DACH1: variants seen among roughly 807,000 people sequenced by gnomAD.
The protein encoded by DACH1 is dachshund homolog 1.
Under a neutral mutation model 54.2 loss-of-function variants are expected in DACH1, and 12 were observed. That is an observed-to-expected ratio of 0.22 (90% CI 0.14 to 0.36). The LOEUF (loss-of-function observed/expected upper bound fraction) is 0.36, where lower values mean the gene tolerates loss of function less well. Ranked by LOEUF, DACH1 falls within the 10% of genes least tolerant of loss-of-function variation. DACH1 has a pLI of 1.00. For synonymous variants in DACH1, 386 were observed against 366.2 expected, an observed-to-expected ratio of 1.05 and a Z score of -0.62; for missense variants, 805 against 929.8, an observed-to-expected ratio of 0.87 and a Z score of 1.75.
At chr13:71,737,114 T>G (rs1257813668) in intron 1 of DACH1, among the ~76,000 whole-genome samples, 1 of 151,844 alleles carries the variant, frequency 6.6e-6, no homozygotes, top group Non-Finnish European at 1.5e-5. Flanking sequence ...AGCCAGCTAC[T>G]TGGGAGGCTG....
intron 6 of DACH1, among the ~76,000 whole-genome samples, chr13:71,509,884 A>G (rs1880633958): frequency 6.6e-6 from 1 of 152,098 alleles, no homozygotes; most frequent in Non-Finnish European, 1.5e-5. Flanking sequence ...AGAGTTAACT[A>G]TACTCTGTTA....
intron 2 of DACH1, among the ~76,000 whole-genome samples, chr13:71,633,093 G>A (rs1040550412): frequency 1.3e-5 from 2 of 151,968 alleles, no homozygotes; most frequent in African/African-American, 4.8e-5. Flanking sequence ...TGTGCTGCAG[G>A]GAAAACTTGT....
At chr13:71,637,652 A>G (rs1594026132) in intron 2 of DACH1, among the ~76,000 whole-genome samples, 1 of 152,186 alleles carries the variant, frequency 6.6e-6, no homozygotes, top group South Asian at 2.1e-4. Flanking sequence ...CATTTTTACT[A>G]GTTAGAATAT....
chr13:71,841,380 G>A (rs905993207), intron 1 of DACH1, among the ~76,000 whole-genome samples: 6 of 151,882 alleles, frequency 4.0e-5, no homozygotes, highest in Non-Finnish European at 8.8e-5. Flanking sequence ...GGAGGAGGTG[G>A]CAAGAGGTTG....
chr13:71,774,313 T>A (rs549077224), intron 1 of DACH1, among the ~76,000 whole-genome samples: 3 of 152,262 alleles, frequency 2.0e-5, no homozygotes, highest in African/African-American at 7.2e-5. Flanking sequence ...CATCACACAA[T>A]AATCTGGTCA....
chr13:71,597,608 T>A (rs1874188268), intron 3 of DACH1, among the ~76,000 whole-genome samples: 1 of 152,122 alleles, frequency 6.6e-6, no homozygotes, highest in South Asian at 2.1e-4. Flanking sequence ...GTCTCCAGAC[T>A]CTGGCATCCA....
At chr13:71,652,800 TAA>T (rs1198797703) in intron 2 of DACH1, among the ~76,000 whole-genome samples, 1 of 152,186 alleles carries the variant, frequency 6.6e-6, no homozygotes, top group Non-Finnish European at 1.5e-5. Context: ...CATAACTCAT[TAA>T]GTTTTCTTTT....
In DACH1 at chr13:71,685,632, A is replaced by C. The variant is rs192030648; in HGVS notation, c.849-3722T>G. Among the ~76,000 whole-genome samples, 43 of 152,296 alleles carry C rather than the reference A, an allele frequency of 2.8e-4. 1 individual carries two copies. The highest frequency in any genetic ancestry group is 4.4e-5 in the Non-Finnish European group (3 of 68,020). The stretch of plus-strand genomic sequence containing the variant: ...TTGACAGGCTTGATATTTTATCCTT[A>C]TGCAATCCTGGTCATTAACTCCTAG... On this transcript the variant is annotated intron_variant, in intron 1 of 10. Transcript: ENST00000613252.
At chr13:71,789,378 A>T (rs1886742133) in intron 1 of DACH1, among the ~76,000 whole-genome samples, 1 of 152,138 alleles carries the variant, frequency 6.6e-6, no homozygotes, top group African/African-American at 2.4e-5. Context: ...TAAAATAAGA[A>T]ATAAATTTAA....
intron 1 of DACH1, among the ~76,000 whole-genome samples, chr13:71,863,674 G>C (rs374495628): frequency 4.6e-5 from 7 of 152,006 alleles, no homozygotes; most frequent in African/African-American, 1.7e-4. Context: ...ACCACATGGT[G>C]AGGACTTCAA....
chr13:71,599,397 A>C (rs1468920761), intron 3 of DACH1, among the ~76,000 whole-genome samples: 1 of 152,162 alleles, frequency 6.6e-6, no homozygotes, highest in African/African-American at 2.4e-5. Context: ...AATGCTGTTA[A>C]ACAATTCCTG....
At chr13:71,591,416 AC>A (rs769957031) in intron 3 of DACH1, among the ~76,000 whole-genome samples, 6 of 152,174 alleles carry the variant, frequency 3.9e-5, no homozygotes, top group Non-Finnish European at 8.8e-5. Flanking sequence ...AATAGTTACC[AC>A]ATTAGAAAGG....
chr13:71,464,624 T>C (rs115019834), intron 10 of DACH1: 1 of 447,682 alleles, frequency 2.2e-6, no homozygotes, highest in African/African-American at 2.0e-5. Flanking sequence ...CATGCAAATA[T>C]TTTATGAAGA....
intron 3 of DACH1, among the ~76,000 whole-genome samples, chr13:71,575,828 T>C (rs995454356): frequency 2.0e-5 from 3 of 152,106 alleles, no homozygotes; most frequent in South Asian, 2.1e-4. Flanking sequence ...ATTTGGGTAA[T>C]AAATAGAGCA....
intron 1 of DACH1, among the ~76,000 whole-genome samples, chr13:71,797,522 A>T (rs1419253846): frequency 6.6e-6 from 1 of 152,156 alleles, no homozygotes; most frequent in Non-Finnish European, 1.5e-5. Context: ...TTTGCCGAAC[A>T]AAACCAATTC....
chr13:71,849,226 A>G (rs1873497667), intron 1 of DACH1, among the ~76,000 whole-genome samples: 1 of 152,226 alleles, frequency 6.6e-6, no homozygotes, highest in South Asian at 2.1e-4. Flanking sequence ...ACCTTAAGTA[A>G]CAAGTGTGAA....
intron 1 of DACH1, among the ~76,000 whole-genome samples, chr13:71,728,135 AC>A (rs768788120): frequency 1.1e-4 from 17 of 152,062 alleles, no homozygotes; most frequent in Non-Finnish European, 1.9e-4. Context: ...AAATAGAAAA[AC>A]GGGAAAAACT....
rs552045449 is a variant in DACH1 at position 71,484,195 on chromosome 13, T to A, written c.1722+4802A>T. ...ATGTGTTTTTAAGATAGGGTCTCAC[T>A]CAGTCACCCAGGGTGGAGTGCAGTG... On this transcript the variant is annotated intron_variant, in intron 7 of 10. Coordinates refer to ENST00000613252, the MANE Select transcript of DACH1 (RefSeq NM_080759.6). 2.9e-4 allele frequency among the ~76,000 whole-genome samples: 8 copies of A among 27,690 alleles called. No individual in the cohort carries two copies. The South Asian group carries it at 0.049, about 169-fold the overall frequency. 18.2% of individuals were successfully genotyped at this position (27,690 alleles called of 152,430 possible).
chr13:71,504,733 T>G (rs1880179733), intron 6 of DACH1, among the ~76,000 whole-genome samples: 1 of 152,220 alleles, frequency 6.6e-6, no homozygotes, highest in Non-Finnish European at 1.5e-5. Flanking sequence ...TTCATTCTTA[T>G]GTAACCAGTG....
Sources: gnomAD v4.1 joint callset for allele counts (sites outside exome capture counted in the v4.1 genomes callset) on GRCh38, gnomAD v4.1.1 for gene constraint, MANE v1.5 for transcripts, NCBI Gene and HGNC (gene_info 2026-07-23, HGNC 2026-07-21) for gene names.